LPA: variants seen among roughly 807,000 people sequenced by gnomAD.
LPA encodes lipoprotein(a).
In LPA, 199 loss-of-function variants were observed where a neutral mutation model predicts 197.9. That is an observed-to-expected ratio of 1.01 (90% CI 0.90 to 1.13). LPA has a LOEUF of 1.13. Among genes scored for constraint, LPA ranks in the 50% most tolerant of loss-of-function variants. LPA has a pLI of 0.00. For synonymous variants in LPA, 715 were observed against 639.5 expected (o/e 1.12, Z -1.78); for missense variants, 1,853 against 1,785.8 (o/e 1.04, Z -0.68).
At chr6:160,558,408 T>A (rs1778305983) in intron 28 of LPA, among the ~76,000 whole-genome samples, 1 of 152,186 alleles carries the variant, frequency 6.6e-6, no homozygotes, top group South Asian at 2.1e-4. Context: ...AAGGCTCTAC[T>A]TTTAGAGTGA....
intron 17 of LPA, among the ~76,000 whole-genome samples, chr6:160,605,921 A>G (rs1474576430): frequency 6.6e-6 from 1 of 152,128 alleles, no homozygotes; most frequent in African/African-American, 2.4e-5. Flanking sequence ...ACTCACTTAA[A>G]AACCTAGGGC....
chr6:160,548,280 G>A (rs1418276158), intron 31 of LPA, among the ~76,000 whole-genome samples, 198 bp downstream of exon 31: 8 of 152,176 alleles, frequency 5.3e-5, no homozygotes, highest in Non-Finnish European at 1.2e-4. Flanking sequence ...CCCACAAGTT[G>A]TGCCAAAAAT....
intron 1 of LPA, 77 bp from the exon 2 acceptor site, chr6:160,650,574 C>A (rs1779987017): frequency 7.0e-7 from 1 of 1,438,130 alleles, no homozygotes. Flanking sequence ...ATGACACAAA[C>A]AGGAAAAAGT....
intron 1 of LPA, among the ~76,000 whole-genome samples, chr6:160,655,527 A>T (rs1184269802): frequency 1.3e-5 from 2 of 152,130 alleles, no homozygotes; most frequent in African/African-American, 2.4e-5. Flanking sequence ...CACCCAAACG[A>T]GGAATGTGTT....
At chr6:160,610,158 G>T (rs1325554972) in intron 16 of LPA, among the ~76,000 whole-genome samples, 4 of 152,000 alleles carry the variant, frequency 2.6e-5, no homozygotes, top group South Asian at 4.2e-4. Flanking sequence ...TGGATCACAC[G>T]AAATTCTTTT....
chr6:160,572,243 CTTGG>C (rs1778576434), intron 28 of LPA, among the ~76,000 whole-genome samples: 1 of 152,134 alleles, frequency 6.6e-6, no homozygotes, highest in South Asian at 2.1e-4. Context: ...AGCCGGGTAC[CTTGG>C]TTGGAAATGC....
At chr6:160,565,491 G>A (rs1254352288) in intron 28 of LPA, among the ~76,000 whole-genome samples, 1 of 152,116 alleles carries the variant, frequency 6.6e-6, no homozygotes, top group Non-Finnish European at 1.5e-5. Context: ...CTAACAAACA[G>A]AAAAGACATC....
chr6:160,653,201 A>T (rs1780036645), intron 1 of LPA, among the ~76,000 whole-genome samples: 1 of 152,188 alleles, frequency 6.6e-6, no homozygotes, highest in Non-Finnish European at 1.5e-5. Flanking sequence ...AACATTACAT[A>T]ATGATAAAGG....
intron 29 of LPA, among the ~76,000 whole-genome samples, chr6:160,557,141 G>A (rs1221490313): frequency 2.0e-5 from 3 of 152,058 alleles, no homozygotes; most frequent in East Asian, 3.9e-4. Context: ...CTGGAACACC[G>A]AGATAACCCC....
At chr6:160,583,956 C>T (rs1778847185) in intron 26 of LPA, among the ~76,000 whole-genome samples, 1 of 152,176 alleles carries the variant, frequency 6.6e-6, no homozygotes, top group Non-Finnish European at 1.5e-5. Flanking sequence ...TTCATACTCA[C>T]TTATGGCAAG....
In LPA at chr6:160,593,945, C is replaced by A; in HGVS notation, c.3629+13G>T. 6.2e-7 allele frequency: 1 copy of A among 1,613,270 alleles called. No individual in the cohort carries two copies. Among genetic ancestry groups the A allele is most frequent in the Non-Finnish European group, 8.5e-7 (1 of 1,179,674 alleles). On this transcript the variant is annotated intron_variant, in intron 22 of 38. Coordinates refer to ENST00000316300, the MANE Select transcript of LPA (RefSeq NM_005577.4). ...GGCTGCTGTCTGTCTTTGAAGAAAA[C>A]TCAAGGTTGTACCCATTTGGATAAT... is the stretch of plus-strand genomic sequence containing the variant.
At chr6:160,542,977 G>T (rs1056942351) in intron 33 of LPA, among the ~76,000 whole-genome samples, 169 bp from the exon 34 acceptor site, 1 of 152,168 alleles carries the variant, frequency 6.6e-6, no homozygotes, top group African/African-American at 2.4e-5. Flanking sequence ...AAAAGTGGTA[G>T]TAAACAACAA....
intron 16 of LPA, among the ~76,000 whole-genome samples, chr6:160,608,116 G>T (rs1239376384): frequency 6.6e-6 from 1 of 152,050 alleles, no homozygotes; most frequent in Non-Finnish European, 1.5e-5. Flanking sequence ...ATAGAAATTT[G>T]GTCAAGAAAA....
At position 160,548,720 on chromosome 6, in the gene LPA, AC is replaced by A. The variant is rs564017977; in HGVS notation, c.4974-62del. 1.8e-4 allele frequency: 284 copies of A among 1,553,848 alleles called. 1 individual carries two copies. In the Admixed American group the frequency reaches 4.6e-3, roughly 25 times the overall value. ...GGAAGAATATTCAGGGACATCCAGC[AC>A]CCTCTACATTTTGTTCTAACAAAGT... On this transcript the variant is annotated intron_variant, in intron 30 of 38. Transcript: ENST00000316300.
intron 27 of LPA, 106 bp from the exon 28 acceptor site, chr6:160,577,401 A>C (rs1027211535): frequency 9.3e-7 from 1 of 1,074,222 alleles, no homozygotes; most frequent in Non-Finnish European, 1.4e-6. Flanking sequence ...AATTATTACT[A>C]TTCTTTTTTC....
At chr6:160,603,262 G>T (rs867561173) in intron 18 of LPA, among the ~76,000 whole-genome samples, 2 of 151,436 alleles carry the variant, frequency 1.3e-5, no homozygotes, top group African/African-American at 4.9e-5. Context: ...GTGTGTGTGC[G>T]TGCATGTTTC....
chr6:160,592,382 T>C (rs913613842), intron 22 of LPA, among the ~76,000 whole-genome samples: 2 of 152,246 alleles, frequency 1.3e-5, no homozygotes, highest in African/African-American at 4.8e-5. Context: ...TTTTTAAATT[T>C]CCATTTGGCT....
At chr6:160,579,453 G>A (rs1583593151) in intron 26 of LPA, among the ~76,000 whole-genome samples, 1 of 152,170 alleles carries the variant, frequency 6.6e-6, no homozygotes, top group African/African-American at 2.4e-5. Flanking sequence ...GCCACTCTGG[G>A]ACTGAAGGAA....
chr6:160,655,304 G>C (rs1041176309), intron 1 of LPA, among the ~76,000 whole-genome samples: 3 of 152,208 alleles, frequency 2.0e-5, no homozygotes, highest in African/African-American at 7.2e-5. Flanking sequence ...GGTCTCCACT[G>C]TGATTCACCT....
Sources: allele counts gnomAD v4.1 joint callset (sites outside exome capture counted in the v4.1 genomes callset), GRCh38; gene constraint gnomAD v4.1.1; transcripts MANE v1.5; gene names NCBI Gene and HGNC (gene_info 2026-07-23, HGNC 2026-07-21).